Variants in AP4E1 observed in about 807,000 individuals in gnomAD.
AP4E1 encodes AP-4 complex subunit epsilon-1.
In AP4E1, 56 loss-of-function variants were observed where a neutral mutation model predicts 128.2. That is an observed-to-expected ratio of 0.44 (90% CI 0.35 to 0.55). The LOEUF (loss-of-function observed/expected upper bound fraction) is 0.55, where lower values mean the gene tolerates loss of function less well. Among genes scored for constraint, AP4E1 ranks in the 20% least tolerant of loss-of-function variants. AP4E1 has a pLI of 0.00. For synonymous variants in AP4E1, 484 were observed against 473.1 expected (o/e 1.02, Z -0.30); for missense variants, 1,324 against 1,307.7 (o/e 1.01, Z -0.19).
At chr15:50,960,275 C>T (rs2064293219) in intron 14 of AP4E1, among the ~76,000 whole-genome samples, 2 of 152,042 alleles carry the variant, frequency 1.3e-5, no homozygotes, top group African/African-American at 4.8e-5. Flanking sequence ...CCAAATGGAC[C>T]TAACAGATAT....
Position 50,997,876 on chromosome 15 carries a change from A to G in AP4E1, c.2897A>G (p.Asn966Ser). ...SADLEIFPAE[N>S]FKVTEQPGCC... ...GACTTAGAAATTTTTCCTGCAGAAA[A>G]TTTCAAGGTAAAATTTAAAGGTATT... is the stretch of plus-strand genomic sequence containing the variant. Residue 966 changes from asparagine to serine, a missense_variant, in exon 18 of 21, where the codon AAT becomes AGT. Coordinates refer to ENST00000261842, the MANE Select transcript of AP4E1 (RefSeq NM_007347.5). The G allele has an allele frequency of 6.3e-7, 1 of 1,597,106 alleles. No individual in the cohort carries two copies.
At position 50,990,641 on chromosome 15, in the gene AP4E1, G is replaced by A. The variant is rs144310213; in HGVS notation, c.2091-2729G>A. Among the ~76,000 whole-genome samples the A allele has an allele frequency of 4.7e-3, 714 of 151,590 alleles. 1 individual carries two copies. The highest frequency in any genetic ancestry group is 0.014 in the Middle Eastern group (4 of 294). ...GCTCAAGTGATCCGCCTGCCTCAGC[G>A]TCAGTGCTGGCATTACAGGTGTGAG... On this transcript the variant is annotated intron_variant, in intron 16 of 20. Coordinates refer to ENST00000261842, the MANE Select transcript of AP4E1 (RefSeq NM_007347.5).
intron 10 of AP4E1, chr15:50,945,117 A>G: frequency 1.3e-6 from 1 of 796,304 alleles, no homozygotes; most frequent in East Asian, 2.4e-5. Flanking sequence ...ATTACATACA[A>G]CATTAGGAAA....
At chr15:50,945,088 A>G (rs2064039763) in intron 10 of AP4E1, 2 of 783,814 alleles carry the variant, frequency 2.6e-6, no homozygotes, top group Admixed American at 3.4e-5. Context: ...GGGCCAGGCT[A>G]TGGAGATGAG....
At position 51,002,525 on chromosome 15, in the gene AP4E1, C is replaced by T. The variant is rs773929706; in HGVS notation, c.3277C>T (p.Gln1093Ter). 20 of 1,614,030 alleles carry T rather than the reference C, an allele frequency of 1.2e-5. No homozygotes were observed. Among genetic ancestry groups the T allele is most frequent in the Non-Finnish European group, 1.7e-5 (20 of 1,180,016 alleles). ...IIGNEGLLACQLLPSIPCLLH... is the reference protein window; with the variant it reads ...IIGNEGLLAC ...AGGCAATGAAGGGCTATTGGCCTGT[C>T]AGCTGCTCCCATCCATCCCCTGCTT... Residue 1093 changes from glutamine to a stop codon, truncating the protein, a stop_gained, in exon 21 of 21, where the codon CAG (glutamine) becomes TAG (stop). Transcript: ENST00000261842. LOFTEE classifies it high-confidence loss of function.
At chr15:50,948,270 C>A in intron 11 of AP4E1, 111 bp downstream of exon 11, 1 of 1,256,088 alleles carries the variant, frequency 8.0e-7, no homozygotes, top group Non-Finnish European at 1.1e-6. Context: ...CCTAGCAATA[C>A]TTTTTATTCC....
chr15:50,985,862 C>G (rs1417260112), intron 16 of AP4E1, among the ~76,000 whole-genome samples: 2 of 152,114 alleles, frequency 1.3e-5, no homozygotes, highest in African/African-American at 2.4e-5. Context: ...TCATTGGTAG[C>G]TTGATGGGGA....
chr15:50,936,988 G>GC (rs1463768150), intron 8 of AP4E1, among the ~76,000 whole-genome samples: 3 of 151,490 alleles, frequency 2.0e-5, no homozygotes, highest in African/African-American at 7.3e-5. Context: ...TTCTTTCTTT[G>GC]CAGGCTCTTG....
At chr15:50,963,034 CA>C (rs2064337841) in intron 14 of AP4E1, among the ~76,000 whole-genome samples, 1 of 151,338 alleles carries the variant, frequency 6.6e-6, no homozygotes, top group Admixed American at 6.6e-5. Flanking sequence ...AGATGTAAAT[CA>C]AAACCACCAT....
chr15:50,972,840 T>G (rs2140900307), intron 15 of AP4E1, among the ~76,000 whole-genome samples: 2 of 152,224 alleles, frequency 1.3e-5, no homozygotes, highest in Middle Eastern at 3.4e-3. Flanking sequence ...GCCTTGGGGA[T>G]GGGGGGCATG....
chr15:50,993,602 G>C lies in AP4E1; in HGVS notation c.2323G>C (p.Gly775Arg). 6.2e-7 allele frequency: 1 copy of C among 1,613,956 alleles called. No homozygotes were observed. Among genetic ancestry groups the C allele is most frequent in the Non-Finnish European group, 8.5e-7 (1 of 1,179,874 alleles). ...GGCATCATCATTATTTGTTGGTCTA[G>C]GATCAGAAAGTACAATCAACCTGGT... ...LLASSLFVGL[G>R]SESTINLLGK... Residue 775 changes from glycine (G) to arginine (R), a missense_variant, in exon 17 of 21, where the codon GGA becomes CGA. Physicochemically the swap from Gly to Arg is moderately radical, Grantham distance 125. Transcript: ENST00000261842.
chr15:51,001,075 G>A lies in AP4E1; in HGVS notation c.3145G>A (p.Ala1049Thr), dbSNP rs553012196. The change falls in exon 20 of 21, where the codon GCA (alanine) becomes ACA (threonine). Residue 1049 changes from alanine (A) to threonine (T), a missense_variant. Transcript: ENST00000261842. ...DDFGKLWLSF[A>T]NDVKQNVKMS... Reference sequence around the variant, plus strand: ...CTTTGGGAAACTCTGGTTATCCTTCGCAAATGATGTGAAACAAAATGTAAA... The same window carrying A: ...CTTTGGGAAACTCTGGTTATCCTTCACAAATGATGTGAAACAAAATGTAAA... 16 of 1,613,368 alleles carry A rather than the reference G, an allele frequency of 9.9e-6. No individual in the cohort carries two copies. Among genetic ancestry groups the A allele is most frequent in the African/African-American group, 2.7e-5 (2 of 75,010 alleles).
intron 14 of AP4E1, among the ~76,000 whole-genome samples, chr15:50,963,958 GTA>G (rs1254535816): frequency 6.6e-6 from 1 of 152,178 alleles, no homozygotes; most frequent in Non-Finnish European, 1.5e-5. Context: ...TTTAGAATCA[GTA>G]CTGGATTACA....
At chr15:50,965,175 AGTCTCAAGT>A (rs2064375043) in intron 14 of AP4E1, among the ~76,000 whole-genome samples, 1 of 151,954 alleles carries the variant, frequency 6.6e-6, no homozygotes, top group Admixed American at 6.6e-5. Flanking sequence ...TAAATTACCC[AGTCTCAAGT>A]GTTTCTTTAT....
chr15:50,912,128 T>A lies in AP4E1; in HGVS notation c.201T>A (p.Val67=). The change falls in exon 2 of 21, where the codon GTT becomes GTA. Residue 67 remains valine, a synonymous_variant. Transcript: ENST00000261842. ...AACTGAGTAGTCTGAAAGCGACTGT[T>A]TCTGCTCCTACTACAACACTGGTAG... ...QQELSSLKAT[V]SAPTTTLKMM... is the part of the protein sequence containing the mutation. The A allele has an allele frequency of 6.2e-7, 1 of 1,614,146 alleles. No individual in the cohort carries two copies. The highest frequency in any genetic ancestry group is 8.5e-7 in the Non-Finnish European group (1 of 1,179,988).
At chr15:50,912,264 A>G (rs1479606454) in intron 2 of AP4E1, 115 bp downstream of exon 2, 1 of 974,884 alleles carries the variant, frequency 1.0e-6, no homozygotes, top group African/African-American at 1.6e-5. Context: ...CATAGTCAAA[A>G]TGAATTATAG....
intron 14 of AP4E1, among the ~76,000 whole-genome samples, chr15:50,959,546 C>T (rs946944878): frequency 6.6e-6 from 1 of 152,110 alleles, no homozygotes; most frequent in African/African-American, 2.4e-5. Flanking sequence ...CTAGACCAAC[C>T]CTAAAAGAAA....
upstream of AP4E1, among the ~76,000 whole-genome samples, chr15:50,907,916 C>T (rs2063508173): frequency 1.3e-5 from 2 of 152,146 alleles, 1 homozygote; most frequent in South Asian, 4.1e-4. Flanking sequence ...GAGCTGTTTA[C>T]GTAGTGGCAA....
intron 1 of AP4E1, among the ~76,000 whole-genome samples, chr15:50,910,783 G>T (rs763335543): frequency 4.6e-5 from 7 of 152,158 alleles, no homozygotes; most frequent in Non-Finnish European, 1.0e-4. Flanking sequence ...AGCCTCCCTG[G>T]TAGCTGGGAT....
Sources: gnomAD v4.1 joint callset for allele counts (sites outside exome capture counted in the v4.1 genomes callset) on GRCh38, gnomAD v4.1.1 for gene constraint, MANE v1.5 for transcripts, NCBI Gene and HGNC (gene_info 2026-07-23, HGNC 2026-07-21) for gene names.